The following ARHGEF15 variants were observed in gnomAD, a reference collection of about 807,000 sequenced individuals.
The protein encoded by ARHGEF15 is Rho guanine nucleotide exchange factor 15.
ARHGEF15 carries 58 observed loss-of-function variants against 79.7 expected under a neutral mutation model. The ratio of observed to expected loss-of-function variants is 0.73; its 90% CI spans 0.59 to 0.91. The LOEUF is 0.91. Among genes scored for constraint, ARHGEF15 ranks in the 40% least tolerant of loss-of-function variants. The pLI, the probability that ARHGEF15 is intolerant of heterozygous loss-of-function variation, is 0.00. For missense variants in ARHGEF15, 1,012 were observed against 1,108.1 expected, an observed-to-expected ratio of 0.91 and a Z score of 1.23; for synonymous variants, 442 against 456.0, an observed-to-expected ratio of 0.97 and a Z score of 0.39.
chr17:8,319,292 C>T lies in ARHGEF15; in HGVS notation c.2187-20C>T, dbSNP rs1260472778. 6.2e-7 allele frequency: 1 copy of T among 1,612,464 alleles called. No individual in the cohort carries two copies. Among genetic ancestry groups the T allele is most frequent in the South Asian group, 1.1e-5 (1 of 90,780 alleles). The stretch of plus-strand genomic sequence containing the variant: ...AGGATCTTTTGGGCCAACTGTGACA[C>T]TTCCCAATATCCCCACCAGATCAGA... On this transcript the variant is annotated intron_variant, in intron 13 of 15. Transcript: ENST00000361926.
At position 8,318,614 on chromosome 17, in the gene ARHGEF15, T is replaced by C. The variant is rs765760461; in HGVS notation, c.1824T>C (p.Thr608=). 2 of 1,613,704 alleles carry C rather than the reference T, an allele frequency of 1.2e-6. No homozygotes were observed. The highest frequency in any genetic ancestry group is 1.7e-6 in the Non-Finnish European group (2 of 1,179,794). Residue 608 remains threonine, a synonymous_variant, in exon 11 of 16, where the codon ACT becomes ACC. Transcript: ENST00000361926. This position sits in a 1 kb window ranked among gnomAD's most constrained non-coding sequence, Gnocchi z 5.0. ...CSAEVGRMKQ[T]EELIRLTQRL... ...CTGAGGTGGGGCGCATGAAGCAGAC[T>C]GAAGAGCTGATCCGGCTCACCCAAA...
intron 14 of ARHGEF15, 39 bp from the exon 15 acceptor site, chr17:8,319,460 C>A: frequency 6.3e-7 from 1 of 1,591,326 alleles, no homozygotes; most frequent in South Asian, 1.1e-5. Flanking sequence ...GGGGGAGAAG[C>A]TAAACAGAAT....
rs1337274900 is a variant in ARHGEF15, at chr17:8,321,747, G to A, written c.*754G>A. 6.6e-6 allele frequency: 1 copy of A among 152,184 alleles called. No individual in the cohort carries two copies. The highest frequency in any genetic ancestry group is 2.4e-5 in the African/African-American group (1 of 41,418). 9.4% of individuals were successfully genotyped at this position (152,184 alleles called of 1,614,324 possible). ...TTATTCGCTCCAAGAAAGATGCTAA[G>A]TCTGAGCTCCAGAAGAGACTGTGCT... is the stretch of plus-strand genomic sequence containing the variant. On this transcript the variant is annotated 3_prime_UTR_variant, in exon 16 of 16. Transcript: ENST00000361926.
chr17:8,311,248 C>A (rs935594592), intron 1 of ARHGEF15, among the ~76,000 whole-genome samples: 2 of 152,048 alleles, frequency 1.3e-5, no homozygotes, highest in Non-Finnish European at 2.9e-5. Flanking sequence ...ACCCAGGCCG[C>A]AGCGCCCTGG....
At position 8,312,380 on chromosome 17, in the gene ARHGEF15, C is replaced by A; in HGVS notation, c.341C>A (p.Pro114His). Reference sequence around the variant, plus strand: ...CGCTCCGCCTCCCCAGAACCTGCTCCCCGGTCTCCAGTCCCCCCACCCAAG... The same window carrying A: ...CGCTCCGCCTCCCCAGAACCTGCTCACCGGTCTCCAGTCCCCCCACCCAAG... ...SRRSASPEPAPRSPVPPPKPS... is the reference protein window; with the variant it reads ...SRRSASPEPAHRSPVPPPKPS... The change falls in exon 2 of 16, where the codon CCC becomes CAC. Residue 114 changes from proline to histidine, a missense_variant. By Grantham distance (77) the Pro-to-His change is moderately conservative. Transcript: ENST00000361926. The A allele has an allele frequency of 6.2e-7, 1 of 1,609,112 alleles. No homozygotes were observed. The highest frequency in any genetic ancestry group is 8.5e-7 in the Non-Finnish European group (1 of 1,177,586).
At chr17:8,317,951 C>T (rs1413639467) in intron 9 of ARHGEF15, 2 of 154,758 alleles carry the variant, frequency 1.3e-5, no homozygotes, top group Admixed American at 1.3e-4. Context: ...CGTCTGTAAT[C>T]CCAGCTACTT....
chr17:8,315,541 C>T lies in ARHGEF15; in HGVS notation c.1388C>T (p.Ser463Phe), dbSNP rs781371890. Residue 463 changes from serine to phenylalanine, a missense_variant, in exon 7 of 16, where the codon TCC becomes TTC. By Grantham distance (155) the Ser-to-Phe change is radical. This residue lies in a region of ARHGEF15 where 818 missense variants were observed against 882.5 expected (regional missense o/e 0.93). Coordinates refer to ENST00000361926, the MANE Select transcript of ARHGEF15 (RefSeq NM_173728.4). This position sits in a 1 kb window ranked among gnomAD's most constrained non-coding sequence, Gnocchi z 4.3. Reference sequence around the variant, plus strand: ...CCCCGTGATCACCACACACTCTTCTCCAATGTGCAGCGAGTCCAGGGAGTC... The same window carrying T: ...CCCCGTGATCACCACACACTCTTCTTCAATGTGCAGCGAGTCCAGGGAGTC... ...LTPRDHHTLF[S>F]NVQRVQGVSE... 1.9e-6 allele frequency: 3 copies of T among 1,611,100 alleles called. No homozygotes were observed. Among genetic ancestry groups the T allele is most frequent in the South Asian group, 1.1e-5 (1 of 91,090 alleles).
rs1418032515 is a variant in ARHGEF15, at chr17:8,321,153, C to T, written c.*160C>T. 2 of 936,130 alleles carry T rather than the reference C, an allele frequency of 2.1e-6. No individual in the cohort carries two copies. Among genetic ancestry groups the T allele is most frequent in the Middle Eastern group, 2.3e-4 (1 of 4,412 alleles). 58.0% of individuals were successfully genotyped at this position (936,130 alleles called of 1,614,324 possible). A position where few individuals can be genotyped will look rare whatever the true frequency, so the allele number is the denominator to read the frequency against. ...GGACAGAGCAGCCAATGAAAACGGCCGCCTGAACCCACAGCAATAAGAATG... is the reference window on the plus strand; with the variant it reads ...GGACAGAGCAGCCAATGAAAACGGCTGCCTGAACCCACAGCAATAAGAATG... On this transcript the variant is annotated 3_prime_UTR_variant, in exon 16 of 16. Coordinates refer to ENST00000361926, the MANE Select transcript of ARHGEF15 (RefSeq NM_173728.4).
Position 8,315,855 on chromosome 17 carries a change from G to A in ARHGEF15, c.1522G>A (p.Val508Met). The change falls in exon 8 of 16, where the codon GTG (valine) becomes ATG (methionine). Residue 508 changes from valine (V) to methionine (M), a missense_variant. This residue lies in a region of ARHGEF15 where 818 missense variants were observed against 882.5 expected (regional missense o/e 0.93). Transcript: ENST00000361926. The surrounding 1 kb of genome is among the most constrained non-coding windows in gnomAD (Gnocchi z 4.3). ...CGCTGTGGGGCCTTTCTCGGTGTAT[G>A]TGGATTATGTGCGGAACCAGCAGTA... Reference protein sequence around the residue: ...AHAVGPFSVYVDYVRNQQYQE... With the variant: ...AHAVGPFSVYMDYVRNQQYQE... 1 of 1,612,306 alleles carries A rather than the reference G, an allele frequency of 6.2e-7. No homozygotes were observed. The highest frequency in any genetic ancestry group is 1.1e-5 in the South Asian group (1 of 91,064).
chr17:8,320,392 T>C (rs1905304802), intron 15 of ARHGEF15, among the ~76,000 whole-genome samples: 1 of 151,992 alleles, frequency 6.6e-6, no homozygotes, highest in Non-Finnish European at 1.5e-5. Context: ...TGAAGCTTGA[T>C]GGAGCTAATT....
Position 8,318,511 on chromosome 17 carries a change from G to GA in ARHGEF15, c.1779+53dup, listed in dbSNP as rs1263264759. 5 of 1,613,434 alleles carry GA rather than the reference G, an allele frequency of 3.1e-6. No homozygotes were observed. In the East Asian group the frequency reaches 1.1e-4, roughly 36 times the overall value. ...GGGGGAGGTGACAAGGTGGTAGAGAGAAATGGTAGGGAGCAGGGGGCTGGC... is the reference window on the plus strand; with the variant it reads ...GGGGGAGGTGACAAGGTGGTAGAGAGAAAATGGTAGGGAGCAGGGGGCTGGC... On this transcript the variant is annotated intron_variant, in intron 10 of 15. Coordinates refer to ENST00000361926, the MANE Select transcript of ARHGEF15 (RefSeq NM_173728.4). The surrounding 1 kb of genome is among the most constrained non-coding windows in gnomAD (Gnocchi z 5.0).
At position 8,315,019 on chromosome 17, in the gene ARHGEF15, G is replaced by A. The variant is rs903303006; in HGVS notation, c.1049-47G>A. 1 of 1,613,818 alleles carries A rather than the reference G, an allele frequency of 6.2e-7. No individual in the cohort carries two copies. Reference sequence around the variant, plus strand: ...CTGTGACCATCAAGCAGTGGGGAAGGGTTTGGGAGCCCTGGGCTTCCCTGA... The same window carrying A: ...CTGTGACCATCAAGCAGTGGGGAAGAGTTTGGGAGCCCTGGGCTTCCCTGA... On this transcript the variant is annotated intron_variant, in intron 5 of 15. Transcript: ENST00000361926. The surrounding 1 kb of genome is among the most constrained non-coding windows in gnomAD (Gnocchi z 4.3).
Position 8,315,168 on chromosome 17 carries a change from C to A in ARHGEF15, c.1151C>A (p.Thr384Asn), listed in dbSNP as rs1904926384. The A allele has an allele frequency of 6.2e-7, 1 of 1,614,104 alleles. No homozygotes were observed. The highest frequency in any genetic ancestry group is 8.5e-7 in the Non-Finnish European group (1 of 1,180,008). ...CCAGCAAATGCTGGAGATGCACCCA[C>A]CTTCCCACGACCCCCTGGACCTCGC... is the stretch of plus-strand genomic sequence containing the variant. Reference protein sequence around the residue: ...PSPANAGDAPTFPRPPGPRNT... With the variant: ...PSPANAGDAPNFPRPPGPRNT... Residue 384 changes from threonine (T) to asparagine (N), a missense_variant, in exon 6 of 16, where the codon ACC becomes AAC. By Grantham distance (65) the Thr-to-Asn change is moderately conservative. Around this residue, in one of 3 missense-constraint regions of ARHGEF15, gnomAD observed 818 missense variants for 882.5 expected, o/e 0.93. Coordinates refer to ENST00000361926, the MANE Select transcript of ARHGEF15 (RefSeq NM_173728.4). The surrounding 1 kb of genome is among the most constrained non-coding windows in gnomAD (Gnocchi z 4.3).
Position 8,321,196 on chromosome 17 carries a change from T to G in ARHGEF15, c.*203T>G. The stretch of plus-strand genomic sequence containing the variant: ...TAAGAATGAATGAGGATGCCTTGAA[T>G]GTGTGGCCAATGGAGACAGAGGCTT... On this transcript the variant is annotated 3_prime_UTR_variant, in exon 16 of 16. Transcript: ENST00000361926. 1.5e-6 allele frequency: 1 copy of G among 685,540 alleles called. No homozygotes were observed. 42.5% of individuals were successfully genotyped at this position (685,540 alleles called of 1,614,324 possible). A position where few individuals can be genotyped will look rare whatever the true frequency, so the allele number is the denominator to read the frequency against.
Position 8,318,672 on chromosome 17 carries a change from T to C in ARHGEF15, c.1872+10T>C. On this transcript the variant is annotated intron_variant, in intron 11 of 15. Transcript: ENST00000361926. The surrounding 1 kb of genome is among the most constrained non-coding windows in gnomAD (Gnocchi z 5.0). Reference sequence around the variant, plus strand: ...CTTCCACAAAGTCAAGGTACATCGCTGCCCAGGCTCCCCATCTTGCCCTGC... The same window carrying C: ...CTTCCACAAAGTCAAGGTACATCGCCGCCCAGGCTCCCCATCTTGCCCTGC... The C allele has an allele frequency of 6.2e-7, 1 of 1,611,602 alleles. No individual in the cohort carries two copies. The highest frequency in any genetic ancestry group is 8.5e-7 in the Non-Finnish European group (1 of 1,178,278).
chr17:8,313,310 G>C, intron 3 of ARHGEF15, 56 bp downstream of exon 3: 6 of 1,562,136 alleles, frequency 3.8e-6, no homozygotes, highest in South Asian at 1.2e-5. Context: ...AGAGAGGCAG[G>C]GGGGAACTAA....
intron 14 of ARHGEF15, 32 bp from the exon 15 acceptor site, chr17:8,319,467 G>C: frequency 6.3e-7 from 1 of 1,590,930 alleles, no homozygotes; most frequent in Non-Finnish European, 8.6e-7. Flanking sequence ...AAGCTAAACA[G>C]AATCACTTTA....
At chr17:8,313,608 C>T in intron 4 of ARHGEF15, 53 bp downstream of exon 4, 1 of 1,570,316 alleles carries the variant, frequency 6.4e-7, no homozygotes, top group Non-Finnish European at 8.7e-7. Context: ...CATGCTTCTA[C>T]CTGAGGGCAG....
At chr17:8,320,323 T>C (rs569607217) in intron 15 of ARHGEF15, among the ~76,000 whole-genome samples, 39 of 148,394 alleles carry the variant, frequency 2.6e-4, no homozygotes, top group African/African-American at 8.9e-4. Context: ...AGTTCCAGGG[T>C]TGGGCAGACT....
Sources: allele counts gnomAD v4.1 joint callset (sites outside exome capture counted in the v4.1 genomes callset), GRCh38; gene constraint gnomAD v4.1.1; regional missense constraint gnomAD v4.1.1; non-coding constraint Gnocchi (gnomAD v3.1); transcripts MANE v1.5; gene names NCBI Gene and HGNC (gene_info 2026-07-23, HGNC 2026-07-21).